Variants in SLBP observed in about 807,000 individuals in gnomAD.
The protein encoded by SLBP is histone RNA hairpin-binding protein.
Under a neutral mutation model 39.2 loss-of-function variants are expected in SLBP, and 29 were observed. That is an observed-to-expected ratio of 0.74 (90% CI 0.55 to 1.01). SLBP has a LOEUF of 1.01. Ranked by LOEUF, SLBP falls within the 50% of genes least tolerant of loss-of-function variation. The pLI, the probability that SLBP is intolerant of heterozygous loss-of-function variation, is 0.00. For synonymous variants in SLBP, 129 were observed against 118.7 expected, an observed-to-expected ratio of 1.09 and a Z score of -0.57; for missense variants, 390 against 350.2, an observed-to-expected ratio of 1.11 and a Z score of -0.91.
chr4:1,708,763 A>G (rs1349794009), intron 2 of SLBP, among the ~76,000 whole-genome samples: 2 of 152,236 alleles, frequency 1.3e-5, no homozygotes, highest in African/African-American at 4.8e-5. Context: ...CCTTCCAAAG[A>G]GTACTTCTAG....
chr4:1,701,545 A>T (rs1171152652), intron 3 of SLBP, among the ~76,000 whole-genome samples: 1 of 152,226 alleles, frequency 6.6e-6, no homozygotes, highest in Non-Finnish European at 1.5e-5. Context: ...ACTGTCAGGA[A>T]GTAAGCCGGC....
intron 2 of SLBP, among the ~76,000 whole-genome samples, chr4:1,709,636 G>C (rs1288051027): frequency 6.7e-6 from 1 of 149,724 alleles, no homozygotes; most frequent in African/African-American, 2.5e-5. Flanking sequence ...TTTTGAGACG[G>C]AGTCTCGCTC....
intron 2 of SLBP, among the ~76,000 whole-genome samples, chr4:1,706,961 T>C (rs1015980558): frequency 6.7e-6 from 1 of 149,626 alleles, no homozygotes; most frequent in African/African-American, 2.5e-5. Flanking sequence ...GGCTCACGCC[T>C]GTAATCCCAG....
In SLBP at chr4:1,703,597, T is replaced by C. The variant is rs752644515; in HGVS notation, c.280A>G (p.Arg94Gly). 3 of 1,588,752 alleles carry C rather than the reference T, an allele frequency of 1.9e-6. No individual in the cohort carries two copies. The highest frequency in any genetic ancestry group is 2.6e-6 in the Non-Finnish European group (3 of 1,156,830). The change falls in exon 3 of 8, where the codon AGA becomes GGA. Residue 94 changes from arginine (R) to glycine (G), a missense_variant and splice_region_variant. By Grantham distance (125) the Arg-to-Gly change is moderately radical. Coordinates refer to ENST00000489418, the MANE Select transcript of SLBP (RefSeq NM_006527.4). ...TTCAAGGTGGTCCAAAATGTGTACC[T>C]TGCCATTTCTTTGTTAACTCTGGTC... ...MRTRVNKEMA[R>G]YKRKLLINDF...
intron 2 of SLBP, among the ~76,000 whole-genome samples, chr4:1,711,354 T>C (rs1293320940): frequency 6.6e-6 from 1 of 151,738 alleles, no homozygotes; most frequent in African/African-American, 2.4e-5. Flanking sequence ...CTCGAGAAGT[T>C]TTCTCTAACC....
intron 2 of SLBP, among the ~76,000 whole-genome samples, chr4:1,708,601 A>G (rs1046372677): frequency 2.6e-4 from 40 of 151,864 alleles, no homozygotes; most frequent in Non-Finnish European, 4.4e-5. Context: ...CCTGAACTAC[A>G]AGAATAATTT....
Position 1,693,424 on chromosome 4 carries a change from T to C in SLBP, c.*173A>G, listed in dbSNP as rs1366889265. Reference sequence around the variant, plus strand: ...TTTAAAACATGCAAAATATACTCACTATACATAAAATTAATGTTTCTTAAG... The same window carrying C: ...TTTAAAACATGCAAAATATACTCACCATACATAAAATTAATGTTTCTTAAG... On this transcript the variant is annotated 3_prime_UTR_variant, in exon 8 of 8. Coordinates refer to ENST00000489418, the MANE Select transcript of SLBP (RefSeq NM_006527.4). 1 of 582,868 alleles carries C rather than the reference T, an allele frequency of 1.7e-6. No individual in the cohort carries two copies. The highest frequency in any genetic ancestry group is 3.1e-6 in the Non-Finnish European group (1 of 324,816). 36.1% of individuals were successfully genotyped at this position (582,868 alleles called of 1,614,324 possible).
chr4:1,703,748 T>A (rs1346297955), intron 2 of SLBP, 48 bp from the exon 3 acceptor site: 1 of 1,257,104 alleles, frequency 8.0e-7, no homozygotes, highest in Non-Finnish European at 1.2e-6. Context: ...TACTTTGTTT[T>A]CTTTCAAACT....
rs1715990888 is a variant in SLBP at position 1,693,456 on chromosome 4, A to C, written c.*141T>G. The C allele has an allele frequency of 3.1e-6, 2 of 643,274 alleles. No homozygotes were observed. The highest frequency in any genetic ancestry group is 1.8e-5 in the African/African-American group (1 of 55,254). 39.8% of individuals were successfully genotyped at this position (643,274 alleles called of 1,614,324 possible). On this transcript the variant is annotated 3_prime_UTR_variant, in exon 8 of 8. Transcript: ENST00000489418. ...AAAATTAATGTTTCTTAAGAAAGTA[A>C]GGCAAAAATAATTCAGCATGAGCTA...
At chr4:1,699,421 A>T (rs1331631848) in intron 5 of SLBP, 143 bp downstream of exon 5, 1 of 634,772 alleles carries the variant, frequency 1.6e-6, no homozygotes, top group Non-Finnish European at 2.6e-6. Context: ...TATTTACGTC[A>T]TAAGCCCCAG....
At chr4:1,706,708 A>C (rs2108663493) in intron 2 of SLBP, among the ~76,000 whole-genome samples, 1 of 152,324 alleles carries the variant, frequency 6.6e-6, no homozygotes, top group African/African-American at 2.4e-5. Context: ...AGGGAGGCTG[A>C]GGCAGGAGAA....
chr4:1,705,052 C>G (rs530406674), intron 2 of SLBP, among the ~76,000 whole-genome samples: 2 of 152,070 alleles, frequency 1.3e-5, no homozygotes, highest in African/African-American at 4.8e-5. Flanking sequence ...CTCAGCCTCC[C>G]GAGTAGCTGA....
intron 5 of SLBP, among the ~76,000 whole-genome samples, chr4:1,698,809 G>A (rs1053269586): frequency 1.3e-5 from 2 of 150,044 alleles, no homozygotes; most frequent in African/African-American, 4.9e-5. Context: ...TTTTTTAAGA[G>A]ACAAAGTCTC....
At chr4:1,706,636 C>G (rs1033575143) in intron 2 of SLBP, among the ~76,000 whole-genome samples, 2 of 152,072 alleles carry the variant, frequency 1.3e-5, no homozygotes, top group South Asian at 4.2e-4. Context: ...TGAAACCCAG[C>G]GTCTACCAAA....
rs1716811420 is a variant in SLBP, at chr4:1,712,238, G to A, written c.-50C>T. On this transcript the variant is annotated 5_prime_UTR_variant, in exon 1 of 8. Transcript: ENST00000489418. Reference sequence around the variant, plus strand: ...GCAGGGCCGAGGCTGAGGCGGCGGCGGCGCGGGCAGAGAGCGCAGAGTAGA... The same window carrying A: ...GCAGGGCCGAGGCTGAGGCGGCGGCAGCGCGGGCAGAGAGCGCAGAGTAGA... The A allele has an allele frequency of 2.6e-6, 3 of 1,165,084 alleles. No homozygotes were observed. Among genetic ancestry groups the A allele is most frequent in the South Asian group, 2.4e-5 (1 of 42,380 alleles). 72.2% of individuals were successfully genotyped at this position (1,165,084 alleles called of 1,614,324 possible).
chr4:1,699,860 T>C (rs1716258592), intron 4 of SLBP, 151 bp downstream of exon 4: 8 of 788,190 alleles, frequency 1.0e-5, no homozygotes, highest in Non-Finnish European at 1.6e-5. Flanking sequence ...TATGGGAATT[T>C]AGTACACAAC....
intron 2 of SLBP, among the ~76,000 whole-genome samples, chr4:1,705,347 G>C (rs757853553): frequency 6.6e-6 from 1 of 152,208 alleles, no homozygotes; most frequent in African/African-American, 2.4e-5. Flanking sequence ...TGATGCTGAA[G>C]AAATGGTATT....
At chr4:1,711,247 C>T (rs1039056144) in intron 2 of SLBP, among the ~76,000 whole-genome samples, 9 of 151,818 alleles carry the variant, frequency 5.9e-5, no homozygotes, top group African/African-American at 1.9e-4. Context: ...ACGCATTTCC[C>T]TCCACCTTCA....
In SLBP at chr4:1,711,946, G is replaced by T; in HGVS notation, c.104C>A (p.Ala35Asp). Residue 35 changes from alanine to aspartate, a missense_variant, in exon 2 of 8, where the codon GCC becomes GAC. Ala to Asp is a moderately radical substitution (Grantham distance 126). Transcript: ENST00000489418. ...TTCGGGCCTCCAGCGCCTGCCGTCGGCTCTGCGCTTCCGTCCCAGGCTCCA... is the reference window on the plus strand; with the variant it reads ...TTCGGGCCTCCAGCGCCTGCCGTCGTCTCTGCGCTTCCGTCCCAGGCTCCA... ...ARWSLGRKRR[A>D]DGRRWRPEDA... 7.5e-7 allele frequency: 1 copy of T among 1,339,064 alleles called. No individual in the cohort carries two copies. The highest frequency in any genetic ancestry group is 9.6e-7 in the Non-Finnish European group (1 of 1,046,920). The allele number at this position is 1,339,064 out of a possible 1,614,324, so 82.9% of individuals were successfully genotyped here.
Sources: allele counts gnomAD v4.1 joint callset (sites outside exome capture counted in the v4.1 genomes callset), GRCh38; gene constraint gnomAD v4.1.1; transcripts MANE v1.5; gene names NCBI Gene and HGNC (gene_info 2026-07-23, HGNC 2026-07-21).